PIBF1: variants seen among roughly 807,000 people sequenced by gnomAD.
PIBF1 encodes the protein progesterone immunomodulatory binding factor 1.
In PIBF1, 90 loss-of-function variants were observed where a neutral mutation model predicts 112.5. The ratio of observed to expected loss-of-function variants is 0.80; its 90% CI spans 0.67 to 0.95. The LOEUF (loss-of-function observed/expected upper bound fraction) is 0.95, where lower values mean the gene tolerates loss of function less well. PIBF1 is among the 40% of genes least tolerant of loss of function. PIBF1 has a pLI of 0.00. For missense variants in PIBF1, 915 were observed against 852.3 expected, an observed-to-expected ratio of 1.07 and a Z score of -0.92; for synonymous variants, 301 against 288.6, an observed-to-expected ratio of 1.04 and a Z score of -0.44.
intron 10 of PIBF1, among the ~76,000 whole-genome samples, chr13:72,886,639 A>ATATTT (rs2039869861): frequency 6.6e-6 from 1 of 151,948 alleles, no homozygotes; most frequent in South Asian, 2.1e-4. Flanking sequence ...ATGGCATTAC[A>ATATTT]TATTTTATTT....
intron 17 of PIBF1, among the ~76,000 whole-genome samples, chr13:73,015,226 A>C (rs2044350234): frequency 6.6e-6 from 1 of 152,156 alleles, no homozygotes. Flanking sequence ...TCCTGGGCTC[A>C]AGCAGTCCTC....
At chr13:72,929,961 G>C (rs768760354) in intron 13 of PIBF1, among the ~76,000 whole-genome samples, 2 of 152,064 alleles carry the variant, frequency 1.3e-5, no homozygotes, top group Non-Finnish European at 2.9e-5. Flanking sequence ...CTGGGCTCAC[G>C]TGATCCCCCC....
intron 10 of PIBF1, among the ~76,000 whole-genome samples, chr13:72,884,255 A>G (rs1262400535): frequency 6.6e-6 from 1 of 152,196 alleles, no homozygotes; most frequent in Non-Finnish European, 1.5e-5. Flanking sequence ...GTCTCTACAC[A>G]CCCTGATAGG....
At chr13:72,784,486 C>T (rs945305151) in intron 2 of PIBF1, among the ~76,000 whole-genome samples, 3 of 151,140 alleles carry the variant, frequency 2.0e-5, no homozygotes, top group Non-Finnish European at 4.4e-5. Flanking sequence ...AGGCCAAGTG[C>T]GGTGGCTCAC....
chr13:72,883,909 G>A (rs539353754), intron 10 of PIBF1, among the ~76,000 whole-genome samples: 4 of 152,198 alleles, frequency 2.6e-5, no homozygotes, highest in East Asian at 3.9e-4. Flanking sequence ...GCAAAACCCC[G>A]TCTCTATTAA....
chr13:72,878,571 A>G (rs909827873), intron 10 of PIBF1, among the ~76,000 whole-genome samples: 3 of 152,122 alleles, frequency 2.0e-5, no homozygotes, highest in Admixed American at 6.5e-5. Flanking sequence ...TGTCTTCTGC[A>G]TATCTGTATT....
intron 5 of PIBF1, 23 bp downstream of exon 5, chr13:72,798,049 G>T (rs761350108): frequency 6.4e-7 from 1 of 1,571,790 alleles, no homozygotes; most frequent in Non-Finnish European, 8.6e-7. Context: ...TTGATTGCTG[G>T]TGGGAAGAAG....
At chr13:72,930,069 A>G (rs1046963080) in intron 13 of PIBF1, among the ~76,000 whole-genome samples, 3 of 152,128 alleles carry the variant, frequency 2.0e-5, no homozygotes, top group African/African-American at 7.2e-5. Flanking sequence ...CCTGTTGCCC[A>G]TACTGGTCTT....
chr13:72,904,871 G>A (rs1372687406), intron 11 of PIBF1, among the ~76,000 whole-genome samples: 1 of 151,556 alleles, frequency 6.6e-6, no homozygotes, highest in African/African-American at 2.4e-5. Flanking sequence ...AATGTCTAAG[G>A]TGAGAATAAA....
intron 17 of PIBF1, among the ~76,000 whole-genome samples, chr13:73,003,973 T>C (rs1162562822): frequency 1.3e-5 from 2 of 151,520 alleles, no homozygotes; most frequent in African/African-American, 2.4e-5. Context: ...GGCTATAATC[T>C]CAAAGTGCTG....
chr13:72,974,291 G>GCAC, intron 16 of PIBF1: 1 of 152,238 alleles, frequency 6.6e-6, no homozygotes, highest in East Asian at 1.9e-4. Context: ...AGTTGTGTCA[G>GCAC]CACCACCACA....
intron 1 of PIBF1, among the ~76,000 whole-genome samples, chr13:72,782,579 C>G (rs968369325): frequency 2.6e-5 from 4 of 152,120 alleles, no homozygotes; most frequent in African/African-American, 9.7e-5. Flanking sequence ...CCTCCACACA[C>G]CTTTCCTTAT....
At chr13:72,840,390 T>C (rs767183687) in intron 9 of PIBF1, among the ~76,000 whole-genome samples, 1 of 152,198 alleles carries the variant, frequency 6.6e-6, no homozygotes, top group African/African-American at 2.4e-5. Flanking sequence ...ATTAATCTTT[T>C]GCTTTGGCCT....
intron 10 of PIBF1, among the ~76,000 whole-genome samples, chr13:72,875,804 G>A (rs1566391708): frequency 6.6e-6 from 1 of 152,084 alleles, no homozygotes; most frequent in East Asian, 1.9e-4. Flanking sequence ...ATCTTGTTGA[G>A]TTTTAAAAGT....
At chr13:72,822,245 G>T (rs941398059) in intron 6 of PIBF1, among the ~76,000 whole-genome samples, 1 of 151,730 alleles carries the variant, frequency 6.6e-6, no homozygotes, top group Non-Finnish European at 1.5e-5. Context: ...TATTTTTTCA[G>T]TGTTATTTGA....
intron 14 of PIBF1, among the ~76,000 whole-genome samples, chr13:72,949,608 C>G (rs192672342): frequency 9.9e-4 from 151 of 152,292 alleles, no homozygotes; most frequent in Non-Finnish European, 1.5e-3. Flanking sequence ...TGAGCCACGG[C>G]ACCCAGCTAA....
chr13:72,815,105 G>C (rs2036204157), intron 5 of PIBF1, among the ~76,000 whole-genome samples: 1 of 152,146 alleles, frequency 6.6e-6, no homozygotes, highest in African/African-American at 2.4e-5. Flanking sequence ...TATTGAAAAA[G>C]AAAGTTCTGA....
At chr13:72,932,244 A>G (rs2041735173) in intron 14 of PIBF1, among the ~76,000 whole-genome samples, 1 of 152,148 alleles carries the variant, frequency 6.6e-6, no homozygotes, top group Admixed American at 6.6e-5. Context: ...CACCCAGCCA[A>G]GAAGTTAATA....
chr13:73,010,090 T>C (rs975900719), intron 17 of PIBF1, among the ~76,000 whole-genome samples: 1 of 152,188 alleles, frequency 6.6e-6, no homozygotes, highest in African/African-American at 2.4e-5. Context: ...TAGCTTAGTT[T>C]ATAGCAGTTG....
Sources: allele counts gnomAD v4.1 joint callset (sites outside exome capture counted in the v4.1 genomes callset), GRCh38; gene constraint gnomAD v4.1.1; transcripts MANE v1.5; gene names NCBI Gene and HGNC (gene_info 2026-07-23, HGNC 2026-07-21).